Variants in SCARA3 observed in about 807,000 individuals in gnomAD.
SCARA3 encodes cellular stress response gene protein.
SCARA3 carries 39 observed loss-of-function variants against 47.0 expected under a neutral mutation model. The ratio of observed to expected loss-of-function variants is 0.83; its 90% CI spans 0.64 to 1.08. The LOEUF is 1.08. Ranked by LOEUF, SCARA3 falls within the 50% of genes least tolerant of loss-of-function variation. The pLI is 0.00. For missense variants in SCARA3, 724 were observed against 792.3 expected (o/e 0.91, Z 1.04); for synonymous variants, 356 against 334.1 (o/e 1.07, Z -0.71).
rs1433675045 is a variant in SCARA3, at chr8:27,671,726, A to G, written c.*375A>G. On this transcript the variant is annotated 3_prime_UTR_variant, in exon 6 of 6. Coordinates refer to ENST00000301904, the MANE Select transcript of SCARA3 (RefSeq NM_016240.3). ...CACATGCATGCACACATACACATGC[A>G]CACACACATGCACACATATATGCAC... 23 of 1,040,926 alleles carry G rather than the reference A, an allele frequency of 2.2e-5. No homozygotes were observed. Among genetic ancestry groups the G allele is most frequent in the African/African-American group, 5.1e-5 (3 of 59,258 alleles). 64.5% of individuals were successfully genotyped at this position (1,040,926 alleles called of 1,614,324 possible).
At chr8:27,680,448 T>C (rs1802340346), downstream of SCARA3, among the ~76,000 whole-genome samples, 1 of 151,954 alleles carries the variant, frequency 6.6e-6, no homozygotes, top group Non-Finnish European at 1.5e-5. Context: ...ACCACCAAAC[T>C]CAATAACCTA....
intron 3 of SCARA3, among the ~76,000 whole-genome samples, chr8:27,655,486 C>T (rs181183602): frequency 1.5e-4 from 23 of 152,184 alleles, no homozygotes; most frequent in Admixed American, 1.5e-3. Context: ...CCAACATGGC[C>T]CCCTTAGTAG....
At chr8:27,696,130 C>T in the SCARA3 span, among the ~76,000 whole-genome samples, 2 of 152,014 alleles carry the variant, frequency 1.3e-5, no homozygotes, top group African/African-American at 2.4e-5. Flanking sequence ...CTGCCCCAGC[C>T]TCCCAAGTAG....
downstream of SCARA3, chr8:27,676,766 T>A: frequency 2.0e-6 from 1 of 507,110 alleles, no homozygotes; most frequent in Non-Finnish European, 3.5e-6. Context: ...TTACCTATAT[T>A]AGGAAGATGA....
chr8:27,649,610 G>A, intron 1 of SCARA3, 92 bp from the exon 2 acceptor site: 1 of 1,187,856 alleles, frequency 8.4e-7, no homozygotes, highest in Non-Finnish European at 1.2e-6. Flanking sequence ...CAGGGGTAGA[G>A]GTGGGCATGG....
chr8:27,724,278 T>C, the SCARA3 span, among the ~76,000 whole-genome samples: 1 of 152,220 alleles, frequency 6.6e-6, no homozygotes, highest in Non-Finnish European at 1.5e-5. Flanking sequence ...AAATATATTT[T>C]ATCTGGCTCT....
intron 1 of SCARA3, among the ~76,000 whole-genome samples, chr8:27,634,422 C>A (rs1461365178): frequency 2.0e-5 from 3 of 152,116 alleles, no homozygotes; most frequent in East Asian, 1.9e-4. Context: ...CACTCACACA[C>A]CCCCCCTTGC....
chr8:27,663,726 C>G (rs896891831), intron 5 of SCARA3, among the ~76,000 whole-genome samples: 2 of 152,148 alleles, frequency 1.3e-5, no homozygotes, highest in African/African-American at 2.4e-5. Flanking sequence ...ACTGATTCAC[C>G]TACAGGGGCC....
intron 1 of SCARA3, among the ~76,000 whole-genome samples, chr8:27,636,187 T>G (rs2128913648): frequency 6.6e-6 from 1 of 152,314 alleles, no homozygotes; most frequent in South Asian, 2.1e-4. Flanking sequence ...AGAAAGGTCT[T>G]GGACCACATC....
At position 27,659,156 on chromosome 8, in the gene SCARA3, A is replaced by G. The variant is rs1351691184; in HGVS notation, c.986A>G (p.Gln329Arg). The G allele has an allele frequency of 1.2e-6, 2 of 1,614,006 alleles. No individual in the cohort carries two copies. The highest frequency in any genetic ancestry group is 1.3e-5 in the African/African-American group (1 of 74,902). The change falls in exon 5 of 6, where the codon CAG becomes CGG. Residue 329 changes from glutamine to arginine, a missense_variant. Physicochemically the swap from Gln to Arg is conservative, Grantham distance 43. Coordinates refer to ENST00000301904, the MANE Select transcript of SCARA3 (RefSeq NM_016240.3). ...DDHEENMHDL[Q>R]YHTHYAQNRT... ...CACGAAGAGAACATGCATGATCTTC[A>G]GTACCATACCCACTACGCCCAGAAC...
chr8:27,663,247 A>C (rs1303343624), intron 5 of SCARA3, among the ~76,000 whole-genome samples: 1 of 152,242 alleles, frequency 6.6e-6, no homozygotes, highest in East Asian at 1.9e-4. Flanking sequence ...AAGGGGCTGC[A>C]GGACTGCAGT....
rs35433872 is a variant in SCARA3, at chr8:27,634,024, T to A, written c.-177T>A. On this transcript the variant is annotated 5_prime_UTR_variant, in exon 1 of 6. Coordinates refer to ENST00000301904, the MANE Select transcript of SCARA3 (RefSeq NM_016240.3). ...GCTGCGACCCCGCGGGACCCTCCACTCCTCCCGCCGCCTCCGCAGCCCGCG... is the reference window on the plus strand; with the variant it reads ...GCTGCGACCCCGCGGGACCCTCCACACCTCCCGCCGCCTCCGCAGCCCGCG... 2,399 of 395,980 alleles carry A rather than the reference T, an allele frequency of 6.1e-3. 42 individuals are homozygous for A. The highest frequency in any genetic ancestry group is 0.046 in the African/African-American group (2,167 of 47,330). The allele number at this position is 395,980 out of a possible 1,614,324, so 24.5% of individuals were successfully genotyped here. A position where few individuals can be genotyped will look rare whatever the true frequency, so the allele number is the denominator to read the frequency against.
the SCARA3 span, among the ~76,000 whole-genome samples, chr8:27,715,853 G>C: frequency 1.4e-5 from 2 of 142,092 alleles, no homozygotes; most frequent in East Asian, 2.1e-4. The surrounding 1 kb of genome is among the most constrained non-coding windows in gnomAD (Gnocchi z 4.2). Flanking sequence ...TAGATAGATA[G>C]ATAGATAGAT....
At chr8:27,638,119 A>G (rs1801295744) in intron 1 of SCARA3, among the ~76,000 whole-genome samples, 1 of 151,884 alleles carries the variant, frequency 6.6e-6, no homozygotes, top group African/African-American at 2.4e-5. Flanking sequence ...ATAACTGAAG[A>G]CTCAGGTCCC....
chr8:27,669,349 G>T (rs1001930039), intron 5 of SCARA3, among the ~76,000 whole-genome samples: 3 of 152,362 alleles, frequency 2.0e-5, no homozygotes, highest in South Asian at 4.1e-4. Flanking sequence ...TTTCCAAACC[G>T]CAGCTGGCCC....
At position 27,638,945 on chromosome 8, in the gene SCARA3, G is replaced by A. The variant is rs145153404; in HGVS notation, c.7+4738G>A. 1.7e-3 allele frequency among the ~76,000 whole-genome samples: 253 copies of A among 152,246 alleles called. 1 individual carries two copies. The highest frequency in any genetic ancestry group is 5.3e-3 in the African/African-American group (222 of 41,548). On this transcript the variant is annotated intron_variant, in intron 1 of 5. Transcript: ENST00000301904. ...AGGCTCCTGGTTCTTGCTGGCACCC[G>A]TTCCCTGAACAATCTCTCCCAGCCT...
At chr8:27,709,583 C>A in the SCARA3 span, among the ~76,000 whole-genome samples, 1 of 152,196 alleles carries the variant, frequency 6.6e-6, no homozygotes, top group Admixed American at 6.5e-5. Context: ...TAGAAGCCAG[C>A]TCAGATTCAA....
the SCARA3 span, among the ~76,000 whole-genome samples, chr8:27,690,963 A>G: frequency 6.6e-6 from 1 of 152,150 alleles, no homozygotes; most frequent in Non-Finnish European, 1.5e-5. Context: ...GATTACAGGC[A>G]TAAGCCACCA....
At position 27,658,854 on chromosome 8, in the gene SCARA3, G is replaced by T. The variant is rs1363755574; in HGVS notation, c.684G>T (p.Gly228=). 1.2e-6 allele frequency: 2 copies of T among 1,614,064 alleles called. No individual in the cohort carries two copies. Among genetic ancestry groups the T allele is most frequent in the Non-Finnish European group, 1.7e-6 (2 of 1,180,044 alleles). The part of the protein sequence containing the change: ...AAVHQINFTV[G]QTSEWIHGIQ... ...TGCACCAGATCAACTTCACCGTGGG[G>T]CAGACTTCCGAGTGGATCCACGGGA... Residue 228 remains glycine, a synonymous_variant, in exon 5 of 6, where the codon GGG becomes GGT. Transcript: ENST00000301904.
Sources: allele counts gnomAD v4.1 joint callset (sites outside exome capture counted in the v4.1 genomes callset), GRCh38; gene constraint gnomAD v4.1.1; non-coding constraint Gnocchi (gnomAD v3.1); transcripts MANE v1.5; gene names NCBI Gene and HGNC (gene_info 2026-07-23, HGNC 2026-07-21).